CMTR1: variants seen among roughly 807,000 people sequenced by gnomAD.
CMTR1 encodes the protein cap-specific mRNA (nucleoside-2'-O-)-methyltransferase 1.
Under a neutral mutation model 107.0 loss-of-function variants are expected in CMTR1, and 39 were observed. The observed-to-expected ratio is 0.36, with a 90% CI of 0.28 to 0.48. CMTR1 has a LOEUF of 0.48. Ranked by LOEUF, CMTR1 falls within the 20% of genes least tolerant of loss-of-function variation. The pLI, the probability that CMTR1 is intolerant of heterozygous loss-of-function variation, is 0.99. For missense variants in CMTR1, 672 were observed against 1,064.9 expected, an observed-to-expected ratio of 0.63 and a Z score of 5.14; for synonymous variants, 366 against 379.5, an observed-to-expected ratio of 0.96 and a Z score of 0.41.
chr6:37,438,138 C>T (rs867690790), intron 2 of CMTR1, among the ~76,000 whole-genome samples: 1 of 151,970 alleles, frequency 6.6e-6, no homozygotes, highest in African/African-American at 2.4e-5. Flanking sequence ...CTAATACTTT[C>T]GGAGGTCAAG....
intron 2 of CMTR1, among the ~76,000 whole-genome samples, chr6:37,443,609 C>T (rs549457494): frequency 1.3e-5 from 2 of 152,292 alleles, no homozygotes; most frequent in East Asian, 1.9e-4. Flanking sequence ...CCCACCTCAG[C>T]GTCCTCCTGG....
chr6:37,435,719 G>C lies in CMTR1; in HGVS notation c.90G>C (p.Thr30=), dbSNP rs768280474. ...AGCTTGCCCTGAGCCTCAGCTCCACGTCCGATGATGAACCTCCCTCCTCTG... is the reference window on the plus strand; with the variant it reads ...AGCTTGCCCTGAGCCTCAGCTCCACCTCCGATGATGAACCTCCCTCCTCTG... ...VAELALSLSS[T]SDDEPPSSVS... Residue 30 remains threonine, a synonymous_variant, in exon 2 of 24, where the codon ACG becomes ACC. Transcript: ENST00000373451. 1.2e-6 allele frequency: 2 copies of C among 1,601,964 alleles called. No individual in the cohort carries two copies. The highest frequency in any genetic ancestry group is 2.3e-5 in the East Asian group (1 of 43,954).
intron 4 of CMTR1, among the ~76,000 whole-genome samples, chr6:37,447,029 T>C (rs1174892338): frequency 6.6e-6 from 1 of 152,210 alleles, no homozygotes; most frequent in Non-Finnish European, 1.5e-5. Context: ...GCACAGACAA[T>C]GTGAGATTTT....
chr6:37,473,645 T>A (rs765576643), intron 17 of CMTR1, 44 bp downstream of exon 17: 2 of 1,596,332 alleles, frequency 1.3e-6, no homozygotes, highest in Admixed American at 1.7e-5. Flanking sequence ...AATGGTGGAT[T>A]TGCCCTTTGC....
rs534317978 is a variant in CMTR1, at chr6:37,458,147, C to T, written c.778-465C>T. On this transcript the variant is annotated intron_variant, in intron 8 of 23. Transcript: ENST00000373451. This position sits in a 1 kb window ranked among gnomAD's most constrained non-coding sequence, Gnocchi z 4.7. ...TCAGCTCACTGCAACCTCTGCCTCC[C>T]GGGTTCAAGCAATTCTCATGCCTCA... Among the ~76,000 whole-genome samples, 6 of 152,072 alleles carry T rather than the reference C, an allele frequency of 3.9e-5. No individual in the cohort carries two copies. Among genetic ancestry groups the T allele is most frequent in the Middle Eastern group, 3.4e-3 (1 of 294 alleles).
upstream of CMTR1, among the ~76,000 whole-genome samples, chr6:37,431,510 T>C (rs559361771): frequency 3.9e-4 from 60 of 152,212 alleles, no homozygotes; most frequent in Non-Finnish European, 7.6e-4. Flanking sequence ...CCAGCCTCTG[T>C]TAAATCTTGT....
intron 3 of CMTR1, 142 bp downstream of exon 3, chr6:37,444,292 C>A: frequency 3.0e-6 from 3 of 995,724 alleles, no homozygotes; most frequent in Non-Finnish European, 2.9e-6. Context: ...CAGAGTGTGA[C>A]CCACTTCTTG....
chr6:37,453,651 G>A (rs12523676), intron 8 of CMTR1, among the ~76,000 whole-genome samples: 15,514 of 94,244 alleles, frequency 0.16, 826 homozygotes, highest in African/African-American at 0.19. Context: ...AGGGGAATAT[G>A]GTTTGAGTGT....
At position 37,453,434 on chromosome 6, in the gene CMTR1, C is replaced by T; in HGVS notation, c.777+122C>T. On this transcript the variant is annotated intron_variant, in intron 8 of 23. Coordinates refer to ENST00000373451, the MANE Select transcript of CMTR1 (RefSeq NM_015050.3). ...CTGACTGTGTGATGGAGATACTTTGCTTTGAGCTCCTCAGATAGGGTCCCA... is the reference window on the plus strand; with the variant it reads ...CTGACTGTGTGATGGAGATACTTTGTTTTGAGCTCCTCAGATAGGGTCCCA... 4 of 914,014 alleles carry T rather than the reference C, an allele frequency of 4.4e-6. No homozygotes were observed. In the South Asian group the frequency reaches 4.5e-5, roughly 10 times the overall value. 56.6% of individuals were successfully genotyped at this position (914,014 alleles called of 1,614,324 possible). A position where few individuals can be genotyped will look rare whatever the true frequency, so the allele number is the denominator to read the frequency against.
At chr6:37,455,098 T>C (rs1232585654) in intron 8 of CMTR1, among the ~76,000 whole-genome samples, 1 of 151,778 alleles carries the variant, frequency 6.6e-6, no homozygotes, top group African/African-American at 2.4e-5. Context: ...TTTTTTTTTT[T>C]TTCGAGACGG....
Position 37,461,992 on chromosome 6 carries a change from C to A in CMTR1, c.1215C>A (p.Thr405=). ...TAGGAGGCCACTTCATCTGTAAAAC[C>A]TTTGACCTGTTCACACCGTTTAGTG... ...VRTGGHFICK[T]FDLFTPFSVG... Residue 405 remains threonine, a synonymous_variant, in exon 12 of 24, where the codon ACC becomes ACA. Transcript: ENST00000373451. The A allele has an allele frequency of 6.2e-7, 1 of 1,613,808 alleles. No individual in the cohort carries two copies. Among genetic ancestry groups the A allele is most frequent in the Non-Finnish European group, 8.5e-7 (1 of 1,180,010 alleles).
At position 37,474,784 on chromosome 6, in the gene CMTR1, A is replaced by G; in HGVS notation, c.1944+138A>G. 2 of 1,315,522 alleles carry G rather than the reference A, an allele frequency of 1.5e-6. 1 individual carries two copies. Among genetic ancestry groups the G allele is most frequent in the Non-Finnish European group, 2.1e-6 (2 of 965,532 alleles). The allele number at this position is 1,315,522 out of a possible 1,614,324, so 81.5% of individuals were successfully genotyped here. A position where few individuals can be genotyped will look rare whatever the true frequency, so the allele number is the denominator to read the frequency against. On this transcript the variant is annotated intron_variant, in intron 18 of 23. Transcript: ENST00000373451. ...GCCCAGGGCTGGGGTAAGGGTTTAT[A>G]ATGACTCCTCCCCGAGCAGTTGCTC... is the stretch of plus-strand genomic sequence containing the variant.
At chr6:37,435,380 C>T (rs1771504103) in intron 1 of CMTR1, among the ~76,000 whole-genome samples, 1 of 152,168 alleles carries the variant, frequency 6.6e-6, no homozygotes, top group African/African-American at 2.4e-5. Context: ...ACACCAGTGG[C>T]CCAGGGCTCT....
At position 37,444,960 on chromosome 6, in the gene CMTR1, A is replaced by T. The variant is rs182588846; in HGVS notation, c.285+810A>T. Among the ~76,000 whole-genome samples the T allele has an allele frequency of 7.0e-3, 1,070 of 152,328 alleles. 11 individuals carry two copies. Among genetic ancestry groups the T allele is most frequent in the African/African-American group, 0.024 (982 of 41,572 alleles). On this transcript the variant is annotated intron_variant, in intron 3 of 23. Coordinates refer to ENST00000373451, the MANE Select transcript of CMTR1 (RefSeq NM_015050.3). ...AGAATCGCTTGAACCTGAGAGGTGG[A>T]GCTTGCAGTGAGCTGAGATCACGCC...
chr6:37,443,787 A>AT (rs1328769778), intron 2 of CMTR1, among the ~76,000 whole-genome samples: 1 of 152,214 alleles, frequency 6.6e-6, no homozygotes, highest in Non-Finnish European at 1.5e-5. Context: ...TTGAGCTCCC[A>AT]TTGTGTCAAG....
At chr6:37,451,287 A>AT (rs1338097776) in intron 5 of CMTR1, among the ~76,000 whole-genome samples, 1 of 152,092 alleles carries the variant, frequency 6.6e-6, no homozygotes, top group Non-Finnish European at 1.5e-5. Flanking sequence ...GACCAAAGAG[A>AT]TTGAGTTTTA....
intron 8 of CMTR1, among the ~76,000 whole-genome samples, chr6:37,456,902 G>A (rs532432874): frequency 6.6e-6 from 1 of 152,184 alleles, no homozygotes; most frequent in East Asian, 1.9e-4. Context: ...GTCCAGTACT[G>A]GGTTCAGCAT....
intron 8 of CMTR1, among the ~76,000 whole-genome samples, chr6:37,454,962 A>G (rs1319924949): frequency 2.0e-5 from 3 of 152,098 alleles, no homozygotes; most frequent in African/African-American, 4.8e-5. Context: ...GCACACACCC[A>G]TGTTTGCTAG....
upstream of CMTR1, among the ~76,000 whole-genome samples, chr6:37,432,785 T>C (rs1771411683): frequency 6.6e-6 from 1 of 152,214 alleles, no homozygotes; most frequent in South Asian, 2.1e-4. Flanking sequence ...TATGGTAAGA[T>C]GCTACAGGCG....
Sources: allele counts gnomAD v4.1 joint callset (sites outside exome capture counted in the v4.1 genomes callset), GRCh38; gene constraint gnomAD v4.1.1; non-coding constraint Gnocchi (gnomAD v3.1); transcripts MANE v1.5; gene names NCBI Gene and HGNC (gene_info 2026-07-23, HGNC 2026-07-21).